The following KLF12 variants were observed in gnomAD, a reference collection of about 807,000 sequenced individuals.
KLF12 encodes the protein Krueppel-like factor 12.
In KLF12, 9 loss-of-function variants were observed where a neutral mutation model predicts 37.8. The observed-to-expected ratio is 0.24, with a 90% confidence interval of 0.14 to 0.42. The LOEUF (loss-of-function observed/expected upper bound fraction) is 0.42, where lower values mean the gene tolerates loss of function less well. KLF12 is among the 10% of genes least tolerant of loss of function. KLF12 has a pLI of 1.00. For missense variants in KLF12, 411 were observed against 516.0 expected, an observed-to-expected ratio of 0.80 and a Z score of 1.97; for synonymous variants, 208 against 202.1, an observed-to-expected ratio of 1.03 and a Z score of -0.25.
At chr13:74,265,225 A>T in the KLF12 span, among the ~76,000 whole-genome samples, 3 of 152,138 alleles carry the variant, frequency 2.0e-5, no homozygotes, top group Non-Finnish European at 4.4e-5. Context: ...AGTCTGCCTG[A>T]TTACAGTGGA....
intron 3 of KLF12, among the ~76,000 whole-genome samples, chr13:73,849,575 C>T (rs570180049): frequency 4.6e-5 from 7 of 151,762 alleles, no homozygotes; most frequent in East Asian, 1.9e-4. Flanking sequence ...TTAGAGAAAG[C>T]GAGAGGAGAT....
At chr13:74,254,762 C>T in the KLF12 span, among the ~76,000 whole-genome samples, 1 of 152,092 alleles carries the variant, frequency 6.6e-6, no homozygotes, top group African/African-American at 2.4e-5. Context: ...CATCACATGC[C>T]ATGGTTTGCG....
chr13:73,918,126 G>T (rs1039943239), intron 3 of KLF12, among the ~76,000 whole-genome samples: 1 of 151,786 alleles, frequency 6.6e-6, no homozygotes, highest in Non-Finnish European at 1.5e-5. Context: ...TGTATACAGA[G>T]AGAGAGAGAG....
Position 73,695,580 on chromosome 13 carries a change from T to G in KLF12, c.1119A>C (p.Gly373=). ...AGTCCGCGCACTTGAATGGCTTCAC[T>G]CCCGTATGTTTGCGGTAATGCCTCG... The change falls in exon 8 of 8, where the codon GGA becomes GGC. Residue 373 remains glycine (G), a synonymous_variant. Coordinates refer to ENST00000377669, the MANE Select transcript of KLF12 (RefSeq NM_007249.5). 2 of 1,614,090 alleles carry G rather than the reference T, an allele frequency of 1.2e-6. No homozygotes were observed. Among genetic ancestry groups the G allele is most frequent in the Non-Finnish European group, 8.5e-7 (1 of 1,179,968 alleles).
At chr13:73,970,621 C>CAGG (rs1466210106) in intron 2 of KLF12, among the ~76,000 whole-genome samples, 3 of 152,162 alleles carry the variant, frequency 2.0e-5, no homozygotes, top group Non-Finnish European at 4.4e-5. Context: ...TGGCGACATA[C>CAGG]AGGAGCATGC....
intron 3 of KLF12, among the ~76,000 whole-genome samples, chr13:73,852,933 G>T (rs1002651097): frequency 6.7e-6 from 1 of 148,160 alleles, no homozygotes; most frequent in Admixed American, 6.7e-5. Context: ...GCAGTGGCGC[G>T]ATCTCAGCTC....
chr13:73,698,924 T>G (rs1444201864), intron 7 of KLF12, among the ~76,000 whole-genome samples: 2 of 152,146 alleles, frequency 1.3e-5, no homozygotes, highest in African/African-American at 4.8e-5. Context: ...GGTGAGGGAA[T>G]GTTTTAGTTA....
chr13:73,713,108 C>T (rs1046045750), intron 7 of KLF12, among the ~76,000 whole-genome samples: 11 of 152,106 alleles, frequency 7.2e-5, no homozygotes, highest in South Asian at 2.1e-4. Context: ...TACAAAGACA[C>T]GGCTGAGAAA....
chr13:73,708,628 C>CT (rs1198866092), intron 7 of KLF12, among the ~76,000 whole-genome samples: 1 of 152,096 alleles, frequency 6.6e-6, no homozygotes, highest in Non-Finnish European at 1.5e-5. Context: ...CTTGCTTTTA[C>CT]TGCATTGTAG....
intron 6 of KLF12, among the ~76,000 whole-genome samples, chr13:73,731,536 C>CCAAA (rs558401102): frequency 9.7e-6 from 1 of 103,530 alleles, no homozygotes; most frequent in East Asian, 2.9e-4. Context: ...GGAAATTAGA[C>CCAAA]AAAAAAAAAA....
intron 5 of KLF12, among the ~76,000 whole-genome samples, chr13:73,796,516 T>TGC (rs1566373865): frequency 1.9e-5 from 2 of 107,634 alleles, no homozygotes; most frequent in Admixed American, 1.7e-4. Flanking sequence ...GCTGTGTGTG[T>TGC]GTGTGTGTGT....
intron 4 of KLF12, among the ~76,000 whole-genome samples, chr13:73,813,940 T>C (rs1174955255): frequency 6.6e-6 from 1 of 152,218 alleles, no homozygotes; most frequent in Non-Finnish European, 1.5e-5. Context: ...CAGATATGAT[T>C]CTTCTCCAAT....
chr13:73,845,727 CT>C (rs1884975099), intron 4 of KLF12, 99 bp downstream of exon 4: 1 of 1,089,196 alleles, frequency 9.2e-7, no homozygotes. Context: ...CACAGAACTT[CT>C]TTAGATGTAG....
chr13:73,748,549 G>A (rs963343153), intron 6 of KLF12, among the ~76,000 whole-genome samples: 6 of 152,110 alleles, frequency 3.9e-5, no homozygotes, highest in Non-Finnish European at 7.3e-5. Context: ...TAGAGAAAAG[G>A]TGCACTCTGC....
chr13:73,697,407 C>A (rs1227885674), intron 7 of KLF12, among the ~76,000 whole-genome samples: 1 of 152,118 alleles, frequency 6.6e-6, no homozygotes, highest in East Asian at 1.9e-4. Flanking sequence ...TGGATTGACA[C>A]CAAACCTCAA....
At chr13:73,783,927 CAT>C (rs1881142349) in intron 5 of KLF12, among the ~76,000 whole-genome samples, 1 of 152,134 alleles carries the variant, frequency 6.6e-6, no homozygotes, top group Non-Finnish European at 1.5e-5. Flanking sequence ...CACAGGTACA[CAT>C]ATGCTCCTGT....
chr13:74,293,789 A>G, the KLF12 span, among the ~76,000 whole-genome samples: 1 of 152,236 alleles, frequency 6.6e-6, no homozygotes, highest in South Asian at 2.1e-4. Flanking sequence ...TATATTGGCC[A>G]TGTCAGCACC....
intron 2 of KLF12, among the ~76,000 whole-genome samples, chr13:73,985,842 T>C (rs1371779927): frequency 6.6e-6 from 1 of 152,144 alleles, no homozygotes; most frequent in Non-Finnish European, 1.5e-5. Flanking sequence ...ATCAAAAAAA[T>C]TCCCCCAGAA....
At chr13:73,844,898 C>T (rs1884932615) in intron 4 of KLF12, 1 of 152,108 alleles carries the variant, frequency 6.6e-6, no homozygotes, top group African/African-American at 2.4e-5. Flanking sequence ...ATATTATTTA[C>T]TTTAAAAGGG....
Sources: allele counts gnomAD v4.1 joint callset (sites outside exome capture counted in the v4.1 genomes callset), GRCh38; gene constraint gnomAD v4.1.1; transcripts MANE v1.5; gene names NCBI Gene and HGNC (gene_info 2026-07-23, HGNC 2026-07-21).